Variants in GFRA3 observed in about 807,000 individuals in gnomAD.
GFRA3 encodes the protein GDNF family receptor alpha-3.
Under a neutral mutation model 40.0 loss-of-function variants are expected in GFRA3, and 24 were observed. That is an observed-to-expected ratio of 0.60 (90% CI 0.43 to 0.84). The LOEUF (loss-of-function observed/expected upper bound fraction) is 0.84. Ranked by LOEUF, GFRA3 falls within the 40% of genes least tolerant of loss-of-function variation. The pLI is 0.00. For missense variants in GFRA3, 405 were observed against 530.6 expected, an observed-to-expected ratio of 0.76 and a Z score of 2.33; for synonymous variants, 203 against 213.5, an observed-to-expected ratio of 0.95 and a Z score of 0.43.
chr5:138,258,727 G>A (rs1051942926), intron 3 of GFRA3, among the ~76,000 whole-genome samples: 1 of 152,118 alleles, frequency 6.6e-6, no homozygotes, highest in African/African-American at 2.4e-5. Context: ...TTCTGGTTTG[G>A]TTTTGGCTTC....
chr5:138,269,875 C>T (rs1200123418), intron 1 of GFRA3, among the ~76,000 whole-genome samples: 1 of 150,004 alleles, frequency 6.7e-6, no homozygotes, highest in Non-Finnish European at 1.5e-5. Flanking sequence ...GTAGAACTAC[C>T]ATTTGATCCA....
Position 138,254,076 on chromosome 5 carries a change from T to C in GFRA3, c.870A>G (p.Arg290=). ...CCTCACCAATCAGCCCCAGGTATGC[T>C]CGTAGACATCTGGACTGCTCTGTTG... ...TCATEQSRCL[R]AYLGLIGTAM... The change falls in exon 5 of 8, where the codon CGA becomes CGG. Residue 290 remains arginine, a synonymous_variant. Coordinates refer to ENST00000274721, the MANE Select transcript of GFRA3 (RefSeq NM_001496.4). 1 of 1,611,024 alleles carries C rather than the reference T, an allele frequency of 6.2e-7. No individual in the cohort carries two copies. Among genetic ancestry groups the C allele is most frequent in the Non-Finnish European group, 8.5e-7 (1 of 1,177,284 alleles).
chr5:138,258,471 C>T (rs950431749), intron 3 of GFRA3, among the ~76,000 whole-genome samples: 8 of 151,992 alleles, frequency 5.3e-5, no homozygotes, highest in African/African-American at 1.7e-4. Flanking sequence ...CATGAACCGC[C>T]GCGCCCGGCA....
intron 3 of GFRA3, among the ~76,000 whole-genome samples, chr5:138,258,945 T>C (rs955314353): frequency 1.1e-4 from 16 of 152,258 alleles, no homozygotes; most frequent in African/African-American, 3.9e-4. Flanking sequence ...TGAAACTCTA[T>C]GCCTTTTTCT....
At chr5:138,255,176 G>A (rs1755610236) in intron 4 of GFRA3, among the ~76,000 whole-genome samples, 1 of 151,972 alleles carries the variant, frequency 6.6e-6, no homozygotes, top group Admixed American at 6.6e-5. Flanking sequence ...GTTCTTGTGA[G>A]GTTTAGATGA....
chr5:138,259,766 C>T, intron 2 of GFRA3, 117 bp from the exon 3 acceptor site: 1 of 725,758 alleles, frequency 1.4e-6, no homozygotes, highest in Non-Finnish European at 2.6e-6. Flanking sequence ...AGCACAGCCT[C>T]TACCTAACCA....
intron 1 of GFRA3, among the ~76,000 whole-genome samples, chr5:138,271,902 T>TG (rs1222558048): frequency 0.012 from 1,422 of 121,000 alleles, 9 homozygotes; most frequent in African/African-American, 0.016. Flanking sequence ...GTTTTTTTTT[T>TG]TTTTTTTTTT....
chr5:138,258,966 A>G (rs538657705), intron 3 of GFRA3, among the ~76,000 whole-genome samples: 7 of 152,292 alleles, frequency 4.6e-5, no homozygotes, highest in African/African-American at 1.4e-4. Flanking sequence ...CAAAATTCTA[A>G]TTCTAATGAT....
chr5:138,256,473 AG>A (rs577206274), intron 4 of GFRA3, among the ~76,000 whole-genome samples: 289 of 151,558 alleles, frequency 1.9e-3, no homozygotes, highest in Non-Finnish European at 3.1e-3. Context: ...GGTTGCAGTG[AG>A]CCGAGACTGC....
At chr5:138,253,652 C>G in intron 6 of GFRA3, 114 bp downstream of exon 6, 3 of 966,438 alleles carry the variant, frequency 3.1e-6, no homozygotes, top group Non-Finnish European at 4.7e-6. Context: ...CTAGGAACTG[C>G]TCTGTTTGGT....
intron 6 of GFRA3, 116 bp from the exon 7 acceptor site, chr5:138,253,491 G>A (rs534851373): frequency 1.4e-6 from 1 of 740,044 alleles, no homozygotes; most frequent in African/African-American, 1.7e-5. Context: ...GCAAGTGGGT[G>A]GGAGGTGGAA....
At position 138,253,042 on chromosome 5, in the gene GFRA3, C is replaced by A; in HGVS notation, c.1129G>T (p.Val377Leu). 3.8e-6 allele frequency: 6 copies of A among 1,596,528 alleles called. No individual in the cohort carries two copies. Among genetic ancestry groups the A allele is most frequent in the Non-Finnish European group, 5.2e-6 (6 of 1,164,388 alleles). ...VMAHQNENPA[V>L]RPQPWVPSLF... ...GAGGGCACCCAGGGCTGTGGCCTCA[C>A]AGCAGGGTTTTCATTCTGTGGAAGA... The change falls in exon 8 of 8, where the codon GTG becomes TTG. Residue 377 changes from valine (V) to leucine (L), a missense_variant. Physicochemically the swap from Val to Leu is conservative, Grantham distance 32. Coordinates refer to ENST00000274721, the MANE Select transcript of GFRA3 (RefSeq NM_001496.4).
intron 6 of GFRA3, 63 bp from the exon 7 acceptor site, chr5:138,253,438 A>G: frequency 1.9e-6 from 2 of 1,067,724 alleles, no homozygotes; most frequent in Non-Finnish European, 2.8e-6. Flanking sequence ...CAGGCTCCCA[A>G]GGAAGGAAAG....
chr5:138,269,365 G>A (rs892938116), intron 1 of GFRA3, among the ~76,000 whole-genome samples: 3 of 151,404 alleles, frequency 2.0e-5, no homozygotes, highest in Non-Finnish European at 4.4e-5. Flanking sequence ...GCAAAAGCCC[G>A]TCTCTACTAA....
intron 3 of GFRA3, among the ~76,000 whole-genome samples, chr5:138,258,164 CTCTTTTTTTTTTTT>C (rs1324212485): frequency 9.9e-6 from 1 of 100,736 alleles, no homozygotes; most frequent in Non-Finnish European, 2.0e-5. Context: ...CACCCTACTC[CTCTTTTTTTTTTTT>C]TTTTTTTTTT....
chr5:138,264,628 G>T, intron 1 of GFRA3, 80 bp from the exon 2 acceptor site: 1 of 931,314 alleles, frequency 1.1e-6, no homozygotes, highest in Non-Finnish European at 1.6e-6. Context: ...GTTGGGAGAG[G>T]GATATTCCTG....
At chr5:138,253,439 G>T in intron 6 of GFRA3, 64 bp from the exon 7 acceptor site, 1 of 1,035,502 alleles carries the variant, frequency 9.7e-7, no homozygotes, top group Non-Finnish European at 1.5e-6. Flanking sequence ...AGGCTCCCAA[G>T]GAAGGAAAGG....
chr5:138,273,698 C>G (rs1255139839), intron 1 of GFRA3, among the ~76,000 whole-genome samples: 1 of 152,198 alleles, frequency 6.6e-6, no homozygotes, highest in Non-Finnish European at 1.5e-5. Context: ...CATGGGCCTT[C>G]CAGGGATCTC....
intron 4 of GFRA3, among the ~76,000 whole-genome samples, chr5:138,256,183 A>G (rs1755625340): frequency 6.7e-6 from 1 of 149,004 alleles, no homozygotes; most frequent in Non-Finnish European, 1.5e-5. Flanking sequence ...GTGAGCCGAG[A>G]TCGCACCACT....
Sources: gnomAD v4.1 joint callset for allele counts (sites outside exome capture counted in the v4.1 genomes callset) on GRCh38, gnomAD v4.1.1 for gene constraint, MANE v1.5 for transcripts, NCBI Gene and HGNC (gene_info 2026-07-23, HGNC 2026-07-21) for gene names.